MED12L: variants seen among roughly 807,000 people sequenced by gnomAD.
MED12L encodes mediator of RNA polymerase II transcription subunit 12-like protein.
A neutral mutation model predicts 281.3 loss-of-function variants in MED12L; 60 were observed. The observed-to-expected ratio is 0.21, with a 90% CI of 0.17 to 0.26. The LOEUF is 0.26. Among genes scored for constraint, MED12L ranks in the 10% least tolerant of loss-of-function variants. MED12L has a pLI of 1.00. For synonymous variants in MED12L, 974 were observed against 987.2 expected (o/e 0.99, Z 0.25); for missense variants, 2,146 against 2,680.9 (o/e 0.80, Z 4.41).
rs1577089158 is a variant in MED12L, at chr3:151,243,000, G to A, written c.2250+49334G>A. The stretch of plus-strand genomic sequence containing the variant: ...GCCTCAGGAGCCCATGCGATCAACT[G>A]GAAGAAAGGGTATCAGCGATGGAAG... On this transcript the variant is annotated intron_variant, in intron 16 of 44. Coordinates refer to ENST00000687756, the MANE Select transcript of MED12L (RefSeq NM_001393769.1). Among the ~76,000 whole-genome samples the A allele has an allele frequency of 2.0e-5, 3 of 151,844 alleles. No homozygotes were observed. In the South Asian group the frequency reaches 6.3e-4, roughly 32 times the overall value.
At chr3:151,308,718 T>C (rs938791066) in intron 16 of MED12L, among the ~76,000 whole-genome samples, 10 of 152,206 alleles carry the variant, frequency 6.6e-5, no homozygotes, top group Non-Finnish European at 1.2e-4. Context: ...GTGGTGGTGG[T>C]GGCGTCACCT....
rs568087486 is a variant in MED12L, at chr3:151,357,394, CATT to C, written c.2825+19_2825+21del. 2.0e-4 allele frequency: 308 copies of C among 1,542,368 alleles called. No homozygotes were observed. The African/African-American group carries it at 3.4e-3, about 17-fold the overall frequency. ...TTTGAAGGGTTGGTATATAGCATGT[CATT>C]GTTGTTTTTCCAATCTCAGAATGTA... On this transcript the variant is annotated intron_variant, in intron 20 of 44. Coordinates refer to ENST00000687756, the MANE Select transcript of MED12L (RefSeq NM_001393769.1).
At chr3:151,323,032 C>T (rs1424263566) in intron 16 of MED12L, among the ~76,000 whole-genome samples, 3 of 152,170 alleles carry the variant, frequency 2.0e-5, no homozygotes, top group African/African-American at 7.2e-5. Flanking sequence ...CCTAGCAAAT[C>T]GTTCAAGCTA....
At chr3:151,115,153 A>T (rs1246403715) in intron 2 of MED12L, among the ~76,000 whole-genome samples, 2 of 152,010 alleles carry the variant, frequency 1.3e-5, no homozygotes, top group Non-Finnish European at 2.9e-5. Flanking sequence ...GTAGGTTGTG[A>T]TGTTGTGTGG....
At chr3:151,380,906 G>A (rs1401337104) in intron 32 of MED12L, among the ~76,000 whole-genome samples, 1 of 152,154 alleles carries the variant, frequency 6.6e-6, no homozygotes, top group Non-Finnish European at 1.5e-5. Context: ...TATCAGGCAC[G>A]CTTTCAGCTT....
intron 16 of MED12L, among the ~76,000 whole-genome samples, chr3:151,229,305 C>CTTTTTTT (rs35097589): frequency 1.8e-5 from 2 of 112,518 alleles, no homozygotes; most frequent in African/African-American, 7.4e-5. Context: ...TTCAGCAATT[C>CTTTTTTT]TTTTTTTTTT....
At chr3:151,113,736 G>A (rs553003615) in intron 2 of MED12L, among the ~76,000 whole-genome samples, 2 of 152,332 alleles carry the variant, frequency 1.3e-5, no homozygotes, top group East Asian at 3.9e-4. Flanking sequence ...TGACAGATAT[G>A]TATCCATTGT....
Position 151,411,395 on chromosome 3 carries a change from G to A in MED12L, c.6028G>A (p.Ala2010Thr), listed in dbSNP as rs745403446. The change falls in exon 41 of 45, where the codon GCA becomes ACA. Residue 2010 changes from alanine to threonine, a missense_variant. This residue lies in a region of MED12L where 496 missense variants were observed against 512.0 expected (regional missense o/e 0.97). Coordinates refer to ENST00000687756, the MANE Select transcript of MED12L (RefSeq NM_001393769.1). ...PSYNSRAYPA[A>T]HSNPVLMERL... ...CTATAACTCCAGAGCCTATCCGGCC[G>A]CACATTCCAACCCCGTGCTAATGGA... 42 of 1,613,986 alleles carry A rather than the reference G, an allele frequency of 2.6e-5. No homozygotes were observed. Among genetic ancestry groups the A allele is most frequent in the African/African-American group, 9.3e-5 (7 of 74,876 alleles).
intron 5 of MED12L, among the ~76,000 whole-genome samples, chr3:151,140,677 TTTATTTA>T (rs1029793742): frequency 5.3e-5 from 7 of 133,180 alleles, no homozygotes; most frequent in African/African-American, 2.5e-4. Context: ...TTTGAATTTA[TTTATTTA>T]TTATTTATTT....
In MED12L at chr3:151,164,013, C is replaced by T; in HGVS notation, c.1228C>T (p.Pro410Ser). ...LQVAPSSLPM[P>S]GGNTAFNQQV... ...GGTGGCCCCGTCCAGCCTCCCCATG[C>T]CGGGTGGGAACACGGCTTTCAATCA... Residue 410 changes from proline to serine, a missense_variant, in exon 9 of 45, where the codon CCG (proline) becomes TCG (serine). Physicochemically the swap from Pro to Ser is moderately conservative, Grantham distance 74. This residue lies in a region of MED12L where 722 missense variants were observed against 861.2 expected (regional missense o/e 0.84). Coordinates refer to ENST00000687756, the MANE Select transcript of MED12L (RefSeq NM_001393769.1). 1.9e-6 allele frequency: 3 copies of T among 1,613,542 alleles called. No individual in the cohort carries two copies. Among genetic ancestry groups the T allele is most frequent in the Non-Finnish European group, 1.7e-6 (2 of 1,179,672 alleles).
chr3:151,292,488 C>A (rs1399145048), intron 16 of MED12L, among the ~76,000 whole-genome samples: 1 of 151,684 alleles, frequency 6.6e-6, no homozygotes, highest in Non-Finnish European at 1.5e-5. Flanking sequence ...GGGGTTTCAC[C>A]ATGTTGGTCA....
intron 5 of MED12L, among the ~76,000 whole-genome samples, chr3:151,139,352 A>G (rs1464282968): frequency 1.3e-5 from 2 of 152,322 alleles, no homozygotes; most frequent in South Asian, 2.1e-4. Flanking sequence ...AGTTGAGCAC[A>G]AAGAGTGCTT....
chr3:151,140,906 T>A (rs1194319600), intron 5 of MED12L, among the ~76,000 whole-genome samples: 1 of 150,490 alleles, frequency 6.6e-6, no homozygotes, highest in Non-Finnish European at 1.5e-5. Context: ...CTCGCTCTGT[T>A]GCCCAGGCTG....
At position 151,365,141 on chromosome 3, in the gene MED12L, C is replaced by T. The variant is rs764237155; in HGVS notation, c.3120C>T (p.Ala1040=). ...GCAAGATCCTCAGTGACAATGCGGCCAATCGCTACAGCTTTGTCTGCAATA... is the reference window on the plus strand; with the variant it reads ...GCAAGATCCTCAGTGACAATGCGGCTAATCGCTACAGCTTTGTCTGCAATA... ...MLGKILSDNA[A]NRYSFVCNTL... is the part of the protein sequence containing the mutation. The change falls in exon 22 of 45, where the codon GCC becomes GCT. Residue 1040 remains alanine (A), a synonymous_variant. Coordinates refer to ENST00000687756, the MANE Select transcript of MED12L (RefSeq NM_001393769.1). The T allele has an allele frequency of 1.9e-5, 30 of 1,613,898 alleles. No individual in the cohort carries two copies. The African/African-American group carries it at 3.3e-4, about 18-fold the overall frequency.
intron 2 of MED12L, among the ~76,000 whole-genome samples, chr3:151,109,131 C>T (rs539380832): frequency 6.6e-6 from 1 of 151,554 alleles, no homozygotes; most frequent in Admixed American, 6.6e-5. Context: ...AATCTCGGCT[C>T]ACTGCAACCT....
intron 16 of MED12L, among the ~76,000 whole-genome samples, chr3:151,195,378 C>T (rs1473259830): frequency 6.6e-6 from 1 of 151,496 alleles, no homozygotes; most frequent in East Asian, 1.9e-4. Context: ...TTTCTATGTC[C>T]AGGGCCATTT....
intron 16 of MED12L, among the ~76,000 whole-genome samples, chr3:151,242,844 A>T (rs1306499573): frequency 2.7e-5 from 4 of 150,228 alleles, no homozygotes; most frequent in African/African-American, 7.3e-5. Context: ...TTCAAACCAA[A>T]GGCAAAGAAG....
At chr3:151,150,659 T>C (rs1168588399) in intron 5 of MED12L, among the ~76,000 whole-genome samples, 1 of 152,224 alleles carries the variant, frequency 6.6e-6, no homozygotes, top group African/African-American at 2.4e-5. Flanking sequence ...AACAGAAGGC[T>C]GTTTTGTCTA....
chr3:151,415,362 A>G (rs546027754), intron 42 of MED12L, among the ~76,000 whole-genome samples: 4 of 152,320 alleles, frequency 2.6e-5, no homozygotes, highest in African/African-American at 9.6e-5. Context: ...TTCTTAGAAG[A>G]GGTTCTAGAG....
Sources: allele counts gnomAD v4.1 joint callset (sites outside exome capture counted in the v4.1 genomes callset), GRCh38; gene constraint gnomAD v4.1.1; regional missense constraint gnomAD v4.1.1; transcripts MANE v1.5; gene names NCBI Gene and HGNC (gene_info 2026-07-23, HGNC 2026-07-21).